Variants in TANC2 observed in about 807,000 individuals in gnomAD.
TANC2 encodes tetratricopeptide repeat, ankyrin repeat and coiled-coil containing 2.
In TANC2, 26 loss-of-function variants were observed where a neutral mutation model predicts 210.5. The ratio of observed to expected loss-of-function variants is 0.12; its 90% CI spans 0.09 to 0.17. TANC2 has a LOEUF of 0.17. Ranked by LOEUF, TANC2 falls within the 10% of genes least tolerant of loss-of-function variation. TANC2 has a pLI of 1.00. For missense variants in TANC2, 2,129 were observed against 2,608.9 expected (o/e 0.82, Z 4.01); for synonymous variants, 931 against 967.1 (o/e 0.96, Z 0.69).
chr17:63,160,234 C>T (rs1249378412), intron 5 of TANC2, among the ~76,000 whole-genome samples: 1 of 152,146 alleles, frequency 6.6e-6, no homozygotes. Context: ...GTCCATAATA[C>T]GTACTTTTAA....
chr17:63,382,423 C>T (rs2047642346), intron 15 of TANC2, among the ~76,000 whole-genome samples: 1 of 152,180 alleles, frequency 6.6e-6, no homozygotes, highest in Non-Finnish European at 1.5e-5. Context: ...TATTTTCCTC[C>T]CCTCACCAGC....
intron 18 of TANC2, among the ~76,000 whole-genome samples, chr17:63,397,444 C>T (rs1030649609): frequency 6.6e-6 from 1 of 152,196 alleles, no homozygotes; most frequent in African/African-American, 2.4e-5. Flanking sequence ...TCCCAGTTTG[C>T]TCTTTTCTCA....
chr17:63,234,158 A>G (rs1161250498), intron 7 of TANC2, among the ~76,000 whole-genome samples: 1 of 152,146 alleles, frequency 6.6e-6, no homozygotes, highest in Non-Finnish European at 1.5e-5. Flanking sequence ...TATTATAGAA[A>G]GCCTGATTGA....
intron 5 of TANC2, among the ~76,000 whole-genome samples, chr17:63,183,561 G>A (rs2040865816): frequency 6.6e-6 from 1 of 152,150 alleles, no homozygotes; most frequent in Non-Finnish European, 1.5e-5. Flanking sequence ...TGCGTATAAT[G>A]CACACTCATT....
chr17:63,052,155 A>T (rs534799850), intron 2 of TANC2, among the ~76,000 whole-genome samples: 1 of 152,188 alleles, frequency 6.6e-6, no homozygotes, highest in Non-Finnish European at 1.5e-5. Flanking sequence ...ATAGATGAAG[A>T]TTCCATTTGT....
At chr17:63,013,871 CTAT>C (rs2033989012) in intron 2 of TANC2, among the ~76,000 whole-genome samples, 1 of 149,228 alleles carries the variant, frequency 6.7e-6, no homozygotes, top group African/African-American at 2.5e-5. Flanking sequence ...TTTTGGAAAA[CTAT>C]TACCCATTAT....
At chr17:63,144,781 A>T (rs1450454881) in intron 4 of TANC2, among the ~76,000 whole-genome samples, 1 of 152,196 alleles carries the variant, frequency 6.6e-6, no homozygotes, top group East Asian at 1.9e-4. Flanking sequence ...TATTTGCATT[A>T]TGAAGAGTCA....
At chr17:63,158,556 A>G (rs2039918084) in intron 5 of TANC2, among the ~76,000 whole-genome samples, 1 of 152,126 alleles carries the variant, frequency 6.6e-6, no homozygotes, top group Non-Finnish European at 1.5e-5. Flanking sequence ...CTTTACCTCT[A>G]AGTCACTTAA....
intron 8 of TANC2, among the ~76,000 whole-genome samples, chr17:63,249,911 A>T (rs1017915634): frequency 2.0e-5 from 3 of 152,194 alleles, no homozygotes; most frequent in African/African-American, 7.2e-5. Context: ...AAACAATTCA[A>T]ACTGTCTTCC....
chr17:63,334,457 T>TAATA (rs1488446219), intron 11 of TANC2, among the ~76,000 whole-genome samples: 1 of 149,700 alleles, frequency 6.7e-6, no homozygotes, highest in Non-Finnish European at 1.5e-5. Context: ...ATTAAATCAA[T>TAATA]AATAAATAAA....
Position 63,177,827 on chromosome 17 carries a change from C to T in TANC2, c.434-16164C>T, listed in dbSNP as rs554416882. ...TACAGGCACATTTCAAGCCTCTCCT[C>T]GTAAGATCGCATTGTCCAAATAAAG... On this transcript the variant is annotated intron_variant, in intron 5 of 27. Transcript: ENST00000689528. 9.8e-5 allele frequency among the ~76,000 whole-genome samples: 15 copies of T among 152,292 alleles called. No homozygotes were observed. The East Asian group carries it at 2.5e-3, about 25-fold the overall frequency.
intron 11 of TANC2, chr17:63,338,831 T>A (rs904234168): frequency 1.3e-5 from 2 of 152,238 alleles, no homozygotes; most frequent in African/African-American, 4.8e-5. Flanking sequence ...TTTTTATGTT[T>A]AATGAGAAGG....
intron 9 of TANC2, among the ~76,000 whole-genome samples, chr17:63,277,894 G>A (rs528491919): frequency 1.7e-4 from 26 of 152,188 alleles, no homozygotes; most frequent in African/African-American, 5.3e-4. Context: ...GTAACAGGCC[G>A]GGTACAGTGG....
At chr17:63,310,315 C>T (rs1447969376) in intron 9 of TANC2, among the ~76,000 whole-genome samples, 2 of 152,056 alleles carry the variant, frequency 1.3e-5, no homozygotes, top group African/African-American at 2.4e-5. Context: ...GGTGTCGTTG[C>T]ACACGCCTGT....
intron 2 of TANC2, among the ~76,000 whole-genome samples, chr17:63,028,655 A>C (rs1269375131): frequency 1.3e-5 from 2 of 152,080 alleles, no homozygotes; most frequent in African/African-American, 4.8e-5. Flanking sequence ...TCCACTTTTC[A>C]GGAAGAAAAA....
At chr17:63,200,633 A>G (rs920984123) in intron 6 of TANC2, 138 bp from the exon 7 acceptor site, 2 of 715,378 alleles carry the variant, frequency 2.8e-6, no homozygotes, top group Non-Finnish European at 4.5e-6. Flanking sequence ...TATCCGAGAA[A>G]GCAAAAACAA....
intron 11 of TANC2, chr17:63,331,993 C>G (rs1237895850): frequency 1.0e-5 from 3 of 286,236 alleles, no homozygotes; most frequent in African/African-American, 4.5e-5. Flanking sequence ...TTTACTTCTT[C>G]AAGATCTTCG....
intron 1 of TANC2, among the ~76,000 whole-genome samples, chr17:63,003,851 C>T (rs1195320176): frequency 6.6e-6 from 1 of 151,648 alleles, no homozygotes; most frequent in Non-Finnish European, 1.5e-5. Context: ...TCCTAAGAAT[C>T]CTTTGTCTAC....
At chr17:63,333,406 A>G (rs1389796569) in intron 11 of TANC2, among the ~76,000 whole-genome samples, 2 of 152,320 alleles carry the variant, frequency 1.3e-5, no homozygotes, top group South Asian at 4.1e-4. Context: ...CAGAAATAAT[A>G]AGAGGACTAG....
Sources: gnomAD v4.1 joint callset for allele counts (sites outside exome capture counted in the v4.1 genomes callset) on GRCh38, gnomAD v4.1.1 for gene constraint, MANE v1.5 for transcripts, NCBI Gene and HGNC (gene_info 2026-07-23, HGNC 2026-07-21) for gene names.